ZNF451: variants seen among roughly 807,000 people sequenced by gnomAD.
ZNF451 encodes E3 SUMO-protein ligase ZNF451.
ZNF451 carries 80 observed loss-of-function variants against 107.1 expected under a neutral mutation model. The observed-to-expected ratio is 0.75, with a 90% CI of 0.62 to 0.90. The LOEUF (loss-of-function observed/expected upper bound fraction) is 0.90. Ranked by LOEUF, ZNF451 falls within the 40% of genes least tolerant of loss-of-function variation. The probability of loss-of-function intolerance (pLI) is 0.00; values close to 1 mark genes in which losing one functional copy is unlikely to be tolerated. For synonymous variants in ZNF451, 362 were observed against 406.5 expected, an observed-to-expected ratio of 0.89 and a Z score of 1.32; for missense variants, 1,107 against 1,236.2, an observed-to-expected ratio of 0.90 and a Z score of 1.57.
intron 5 of ZNF451, among the ~76,000 whole-genome samples, chr6:57,131,548 G>C (rs188083583): frequency 6.6e-6 from 1 of 152,256 alleles, no homozygotes; most frequent in East Asian, 1.9e-4. Flanking sequence ...ACTAAAATAT[G>C]ATTAATTCCA....
In ZNF451 at chr6:57,147,612, T is replaced by C; in HGVS notation, c.1527T>C (p.Asp509=). Residue 509 remains aspartate, a synonymous_variant, in exon 10 of 15, where the codon GAT becomes GAC. Transcript: ENST00000370706. ...TGGTCTGTGGAAAGGTATGTGATGA[T>C]TCAGGGGTCATTCGTTTACACATGA... ...KCVVCGKVCD[D]SGVIRLHMSR... is the part of the protein sequence containing the mutation. 6.2e-7 allele frequency: 1 copy of C among 1,614,070 alleles called. No individual in the cohort carries two copies. Among genetic ancestry groups the C allele is most frequent in the Non-Finnish European group, 8.5e-7 (1 of 1,179,972 alleles).
At chr6:57,092,891 A>G (rs2127929188) in intron 2 of ZNF451, 1 of 152,296 alleles carries the variant, frequency 6.6e-6, no homozygotes, top group East Asian at 1.9e-4. Context: ...AGGGGGGTGC[A>G]AAAATGGGCC....
chr6:57,142,552 T>G (rs1831823918), intron 9 of ZNF451, among the ~76,000 whole-genome samples: 1 of 152,234 alleles, frequency 6.6e-6, no homozygotes, highest in Non-Finnish European at 1.5e-5. Flanking sequence ...TTCTTATTGG[T>G]AAGTAGTATT....
intron 2 of ZNF451, among the ~76,000 whole-genome samples, chr6:57,096,290 T>C (rs1208502851): frequency 2.1e-5 from 3 of 144,244 alleles, no homozygotes; most frequent in Admixed American, 7.1e-5. Context: ...GTTCAAGCAA[T>C]TCTCCTGCCT....
intron 2 of ZNF451, among the ~76,000 whole-genome samples, chr6:57,094,335 G>A (rs1829188975): frequency 6.6e-6 from 1 of 151,870 alleles, no homozygotes; most frequent in Admixed American, 6.6e-5. Context: ...TTCAGAGACA[G>A]GGTCTCACTC....
intron 2 of ZNF451, among the ~76,000 whole-genome samples, chr6:57,095,558 C>A (rs1829254376): frequency 6.6e-6 from 1 of 151,952 alleles, no homozygotes; most frequent in Non-Finnish European, 1.5e-5. Flanking sequence ...GTGTCAAACT[C>A]CTGGACTCAA....
intron 4 of ZNF451, among the ~76,000 whole-genome samples, chr6:57,127,698 G>T (rs550051861): frequency 2.0e-5 from 3 of 152,188 alleles, no homozygotes; most frequent in African/African-American, 7.2e-5. Context: ...TGACCTCTGT[G>T]TACCTCAGGT....
chr6:57,112,065 G>A (rs536098764), intron 3 of ZNF451, among the ~76,000 whole-genome samples: 8 of 152,262 alleles, frequency 5.3e-5, no homozygotes, highest in Admixed American at 2.6e-4. Flanking sequence ...GTTATGCTGC[G>A]TTTATCTCTT....
intron 3 of ZNF451, chr6:57,102,176 A>G: frequency 2.1e-6 from 3 of 1,437,062 alleles, no homozygotes; most frequent in Non-Finnish European, 2.7e-6. Context: ...AATAGGATCT[A>G]CAGGTAGGAG....
intron 3 of ZNF451, chr6:57,105,238 G>A (rs1386456252): frequency 1.0e-6 from 1 of 985,186 alleles, no homozygotes; most frequent in Admixed American, 6.2e-5. Flanking sequence ...CAAGTTTAAT[G>A]ATCTGGTATT....
intron 3 of ZNF451, chr6:57,105,155 A>G: frequency 1.0e-6 from 1 of 985,420 alleles, no homozygotes; most frequent in East Asian, 1.1e-4. Flanking sequence ...AGAACCTGCA[A>G]CAAAATTCCC....
intron 7 of ZNF451, among the ~76,000 whole-genome samples, chr6:57,136,786 AT>A (rs1228487742): frequency 2.0e-5 from 3 of 151,728 alleles, no homozygotes; most frequent in East Asian, 1.9e-4. Context: ...TTTTTCACTT[AT>A]TTTTTTCCCC....
chr6:57,110,365 A>G (rs950205869), intron 3 of ZNF451, among the ~76,000 whole-genome samples: 1 of 152,194 alleles, frequency 6.6e-6, no homozygotes, highest in Non-Finnish European at 1.5e-5. Flanking sequence ...TTGTCTCTCT[A>G]GGGGTTGGTT....
At chr6:57,154,382 C>A (rs1696271267) in intron 13 of ZNF451, 2 of 437,184 alleles carry the variant, frequency 4.6e-6, no homozygotes. Context: ...TTCTGAAATT[C>A]CAAGTTGACC....
At chr6:57,124,451 C>A (rs1830819893) in intron 3 of ZNF451, 1 of 716,704 alleles carries the variant, frequency 1.4e-6, no homozygotes, top group Non-Finnish European at 2.6e-6. Context: ...TGCCTGATGA[C>A]CCTACCTCTC....
intron 5 of ZNF451, among the ~76,000 whole-genome samples, chr6:57,129,984 T>C (rs1369364660): frequency 2.6e-5 from 4 of 152,192 alleles, no homozygotes; most frequent in African/African-American, 4.8e-5. Flanking sequence ...CTCAATACTT[T>C]ATTCATTTCA....
intron 11 of ZNF451, 57 bp from the exon 12 acceptor site, chr6:57,152,164 T>G: frequency 6.5e-7 from 1 of 1,534,600 alleles, no homozygotes. Flanking sequence ...CTTGATAAAA[T>G]TTTTGGCCTT....
At chr6:57,101,302 T>G (rs1829585067) in intron 3 of ZNF451, 2 of 1,550,684 alleles carry the variant, frequency 1.3e-6, no homozygotes, top group African/African-American at 1.4e-5. Context: ...TAAAAAACGT[T>G]TGGTTCCTCC....
At chr6:57,097,385 A>G (rs551798042) in intron 2 of ZNF451, among the ~76,000 whole-genome samples, 1 of 152,354 alleles carries the variant, frequency 6.6e-6, no homozygotes, top group Admixed American at 6.5e-5. Flanking sequence ...TTCTGTCTCC[A>G]GCAGTCAACT....
Sources: gnomAD v4.1 joint callset for allele counts (sites outside exome capture counted in the v4.1 genomes callset) on GRCh38, gnomAD v4.1.1 for gene constraint, MANE v1.5 for transcripts, NCBI Gene and HGNC (gene_info 2026-07-23, HGNC 2026-07-21) for gene names.